Variants in NHSL2 observed in about 807,000 individuals in gnomAD.
NHSL2 encodes NHS-like protein 2.
A neutral mutation model predicts 53.4 loss-of-function variants in NHSL2; 27 were observed. The ratio of observed to expected loss-of-function variants is 0.51; its 90% confidence interval spans 0.37 to 0.70. The LOEUF (loss-of-function observed/expected upper bound fraction) is 0.70. Among genes scored for constraint, NHSL2 ranks in the 30% least tolerant of loss-of-function variants. The pLI, the probability that NHSL2 is intolerant of heterozygous loss-of-function variation, is 0.00. For missense variants in NHSL2, 892 were observed against 980.1 expected (o/e 0.91, Z 1.20); for synonymous variants, 408 against 404.1 (o/e 1.01, Z -0.12).
intron 1 of NHSL2, among the ~76,000 whole-genome samples, chrX:72,016,986 G>A (rs1482110461): frequency 9.0e-6 from 1 of 111,661 alleles, no homozygotes; most frequent in Admixed American, 9.4e-5. Context: ...GAGAGCCCAG[G>A]GTGACAGCAA....
At chrX:71,936,674 T>C (rs1303112778) in intron 1 of NHSL2, among the ~76,000 whole-genome samples, 1 of 111,909 alleles carries the variant, frequency 8.9e-6, no homozygotes, top group East Asian at 2.8e-4. Flanking sequence ...CTGAACTAGA[T>C]AGTGAATGAG....
chrX:71,939,242 A>C (rs1160867228), intron 1 of NHSL2, among the ~76,000 whole-genome samples: 1 of 111,812 alleles, frequency 8.9e-6, no homozygotes, highest in East Asian at 2.8e-4. Context: ...GCAGGCAGGG[A>C]CTAGATCATG....
At chrX:72,073,493 G>A (rs777473494) in intron 1 of NHSL2, among the ~76,000 whole-genome samples, 4 of 112,195 alleles carry the variant, frequency 3.6e-5, no homozygotes, top group Admixed American at 9.4e-5. Context: ...TACAGCATAC[G>A]CATAGCTGTG....
chrX:71,991,275 A>T (rs776820843), intron 1 of NHSL2, among the ~76,000 whole-genome samples: 6 of 110,505 alleles, frequency 5.4e-5, no homozygotes, highest in African/African-American at 1.3e-4. Flanking sequence ...ACACCTCCCC[A>T]CCTCCCTTAT....
chrX:72,003,994 T>C (rs1209426640), intron 1 of NHSL2, among the ~76,000 whole-genome samples: 2 of 112,000 alleles, frequency 1.8e-5, no homozygotes, highest in East Asian at 2.8e-4. Context: ...GAGGCATTAT[T>C]ATCAGGGGCA....
At chrX:71,933,133 C>G (rs1182243183) in intron 1 of NHSL2, among the ~76,000 whole-genome samples, 1 of 112,031 alleles carries the variant, frequency 8.9e-6, no homozygotes, top group Non-Finnish European at 1.9e-5. Flanking sequence ...CTACCAAGCC[C>G]CTCCAGGAGT....
At chrX:72,008,996 T>C (rs2042105163) in intron 1 of NHSL2, among the ~76,000 whole-genome samples, 1 of 112,275 alleles carries the variant, frequency 8.9e-6, no homozygotes, top group Admixed American at 9.4e-5. Flanking sequence ...GTCCACAAGG[T>C]CCTGCATAAT....
At chrX:72,098,778 G>A (rs2041966218) in intron 1 of NHSL2, among the ~76,000 whole-genome samples, 1 of 110,953 alleles carries the variant, frequency 9.0e-6, no homozygotes, top group African/African-American at 3.3e-5. Flanking sequence ...TATATTTAAT[G>A]GTTTGTTATT....
chrX:71,949,080 A>G (rs1040396634), intron 1 of NHSL2, among the ~76,000 whole-genome samples: 2 of 110,496 alleles, frequency 1.8e-5, no homozygotes, highest in Non-Finnish European at 3.8e-5. Flanking sequence ...ATGAAGCCAA[A>G]TTTGTTCAGT....
chrX:72,137,864 TATTA>T (rs770530744), intron 5 of NHSL2, among the ~76,000 whole-genome samples: 116 of 111,941 alleles, frequency 1.0e-3, no homozygotes, highest in Non-Finnish European at 1.7e-3. Context: ...GACATGACAG[TATTA>T]ATTGTTTGTG....
chrX:71,994,542 A>C (rs1021957405), intron 1 of NHSL2, among the ~76,000 whole-genome samples: 4 of 110,975 alleles, frequency 3.6e-5, no homozygotes, highest in Non-Finnish European at 1.9e-5. Context: ...GGACAAAATA[A>C]TCTATACCTC....
intron 1 of NHSL2, among the ~76,000 whole-genome samples, chrX:71,970,587 T>C (rs985241130): frequency 9.1e-6 from 1 of 110,232 alleles, no homozygotes; most frequent in Non-Finnish European, 1.9e-5. Flanking sequence ...TCTTTTCTAG[T>C]TTTCTTTTTG....
intron 1 of NHSL2, among the ~76,000 whole-genome samples, chrX:72,054,432 A>T (rs1183465649): frequency 9.0e-6 from 1 of 111,662 alleles, no homozygotes; most frequent in Non-Finnish European, 1.9e-5. Context: ...CTTTCAGAGA[A>T]TGACATGCTC....
intron 1 of NHSL2, among the ~76,000 whole-genome samples, chrX:72,093,721 GCTTTCTTTCTTTCTTT>G (rs545225009): frequency 1.3e-3 from 126 of 95,334 alleles, no homozygotes; most frequent in Admixed American, 2.2e-3. Flanking sequence ...TAGCTTGCTT[GCTTTCTTTCTTTCTTT>G]CTTTCTTTCT....
chrX:72,042,532 G>A (rs2042280645), intron 1 of NHSL2, among the ~76,000 whole-genome samples: 1 of 111,452 alleles, frequency 9.0e-6, no homozygotes, highest in South Asian at 3.8e-4. Flanking sequence ...TTCTTTGCTT[G>A]TGAGTTGGTC....
intron 1 of NHSL2, among the ~76,000 whole-genome samples, chrX:72,005,329 C>A (rs1489116464): frequency 8.9e-6 from 1 of 112,209 alleles, no homozygotes; most frequent in Non-Finnish European, 1.9e-5. Flanking sequence ...CTGCTGCATG[C>A]TGAGATCACA....
intron 1 of NHSL2, among the ~76,000 whole-genome samples, chrX:71,966,970 T>C (rs2041903639): frequency 8.9e-6 from 1 of 112,501 alleles, no homozygotes. Context: ...ATTTATTTAA[T>C]AGATATATGA....
chrX:71,912,278 C>T lies in NHSL2; in HGVS notation c.280+911C>T, dbSNP rs780971742. The stretch of plus-strand genomic sequence containing the variant: ...CCTCTGTCTGTGGAAATGCAGTGCC[C>T]CTGAGAGTGTGGGACTTCTGCTGAA... On this transcript the variant is annotated intron_variant, in intron 1 of 7. Transcript: ENST00000633930. 5.4e-5 allele frequency among the ~76,000 whole-genome samples: 6 copies of T among 112,005 alleles called. No homozygotes were observed. The South Asian group carries it at 1.5e-3, about 28-fold the overall frequency.
intron 1 of NHSL2, among the ~76,000 whole-genome samples, chrX:72,090,774 T>A (rs1461970092): frequency 2.2e-5 from 1 of 45,336 alleles, no homozygotes; most frequent in Non-Finnish European, 3.9e-5. Context: ...TGTATGTGAG[T>A]GTGTGTGTGT....
Sources: gnomAD v4.1 joint callset for allele counts (sites outside exome capture counted in the v4.1 genomes callset) on GRCh38, gnomAD v4.1.1 for gene constraint, MANE v1.5 for transcripts, NCBI Gene and HGNC (gene_info 2026-07-23, HGNC 2026-07-21) for gene names.